Variants in EDIL3 observed in about 807,000 individuals in gnomAD.
EDIL3 encodes EGF-like repeat and discoidin I-like domain-containing protein 3.
In EDIL3, 37 loss-of-function variants were observed where a neutral mutation model predicts 67.4. The observed-to-expected ratio is 0.55, with a 90% CI of 0.42 to 0.72. The LOEUF is 0.72. Ranked by LOEUF, EDIL3 falls within the 30% of genes least tolerant of loss-of-function variation. The pLI is 0.00. For missense variants in EDIL3, 527 were observed against 586.3 expected (o/e 0.90, Z 1.04); for synonymous variants, 195 against 196.3 (o/e 0.99, Z 0.05).
chr5:84,331,721 T>C (rs1038407328), intron 1 of EDIL3, among the ~76,000 whole-genome samples: 1 of 152,216 alleles, frequency 6.6e-6, no homozygotes, highest in Non-Finnish European at 1.5e-5. Context: ...ATATTTTATA[T>C]GAATATTTAA....
chr5:84,312,482 C>T (rs1319849541), intron 1 of EDIL3, among the ~76,000 whole-genome samples: 2 of 148,748 alleles, frequency 1.3e-5, no homozygotes, highest in Admixed American at 6.7e-5. Flanking sequence ...CCTCACCTCC[C>T]GGACAGGGCG....
chr5:84,075,335 A>G (rs1029698680), intron 6 of EDIL3, among the ~76,000 whole-genome samples: 9 of 152,214 alleles, frequency 5.9e-5, no homozygotes, highest in Admixed American at 6.5e-5. Context: ...TGTACCCTAA[A>G]ACTTAAAGTA....
chr5:84,155,142 G>A (rs566315423), intron 4 of EDIL3, among the ~76,000 whole-genome samples: 1 of 151,944 alleles, frequency 6.6e-6, no homozygotes, highest in Non-Finnish European at 1.5e-5. Flanking sequence ...CTTTTCATTT[G>A]CAATAAAACA....
At chr5:84,038,163 A>T (rs1746057561) in intron 9 of EDIL3, among the ~76,000 whole-genome samples, 1 of 151,518 alleles carries the variant, frequency 6.6e-6, no homozygotes. Context: ...CCAGCATGCC[A>T]GGCTATGGAA....
At chr5:84,155,146 TA>T (rs1748468275) in intron 4 of EDIL3, among the ~76,000 whole-genome samples, 1 of 152,176 alleles carries the variant, frequency 6.6e-6, no homozygotes, top group Non-Finnish European at 1.5e-5. Context: ...TCATTTGCAA[TA>T]AAACATCTTT....
intron 1 of EDIL3, among the ~76,000 whole-genome samples, chr5:84,341,108 C>G (rs1356302697): frequency 6.6e-6 from 1 of 151,956 alleles, no homozygotes; most frequent in Non-Finnish European, 1.5e-5. Flanking sequence ...GTATTTATTG[C>G]CTGAATAATG....
chr5:84,246,671 T>C (rs16901003), intron 2 of EDIL3, among the ~76,000 whole-genome samples: 18,068 of 152,196 alleles, frequency 0.12, 1,308 homozygotes, highest in African/African-American at 0.19. Context: ...CAAACTGGCT[T>C]TTACCCTTTG....
intron 1 of EDIL3, among the ~76,000 whole-genome samples, chr5:84,324,746 A>C (rs769638492): frequency 7.2e-5 from 11 of 151,836 alleles, no homozygotes; most frequent in Non-Finnish European, 1.5e-4. Context: ...AATTCTATAG[A>C]AATAATAAAG....
intron 9 of EDIL3, among the ~76,000 whole-genome samples, chr5:83,984,063 A>T (rs2112151920): frequency 6.6e-6 from 1 of 152,198 alleles, no homozygotes; most frequent in Non-Finnish European, 1.5e-5. Context: ...CAATGGACAC[A>T]GGGTAAGAAA....
Position 84,226,214 on chromosome 5 carries a change from A to T in EDIL3, c.226+3641T>A, listed in dbSNP as rs561118771. On this transcript the variant is annotated intron_variant, in intron 3 of 10. Transcript: ENST00000296591. ...GAAACAAAATGGTGAAATAACAGGA[A>T]AGAGACATAAGTTAAAAGAGGACCA... Among the ~76,000 whole-genome samples, 158 of 151,846 alleles carry T rather than the reference A, an allele frequency of 1.0e-3. 1 individual carries two copies. The highest frequency in any genetic ancestry group is 2.0e-3 in the Non-Finnish European group (137 of 67,706).
intron 6 of EDIL3, among the ~76,000 whole-genome samples, chr5:84,088,282 A>G (rs191675111): frequency 3.9e-5 from 6 of 152,336 alleles, no homozygotes; most frequent in Non-Finnish European, 5.9e-5. Context: ...TGATGTTTCA[A>G]AATTTATGTA....
chr5:83,997,349 A>G (rs1404634631), intron 9 of EDIL3, among the ~76,000 whole-genome samples: 1 of 152,204 alleles, frequency 6.6e-6, no homozygotes, highest in African/African-American at 2.4e-5. Context: ...GAGGATGGAA[A>G]GAAATGCACA....
At chr5:84,351,686 G>C (rs1747364507) in intron 1 of EDIL3, among the ~76,000 whole-genome samples, 1 of 152,248 alleles carries the variant, frequency 6.6e-6, no homozygotes, top group Admixed American at 6.5e-5. Flanking sequence ...TGCAAAGTGA[G>C]TGTTGGATTT....
At chr5:83,958,234 G>C (rs1744549026) in intron 10 of EDIL3, among the ~76,000 whole-genome samples, 1 of 151,452 alleles carries the variant, frequency 6.6e-6, no homozygotes, top group Non-Finnish European at 1.5e-5. Flanking sequence ...CTTATTATTA[G>C]CTGGGGCCTC....
At chr5:84,203,855 G>A (rs1335462401) in intron 3 of EDIL3, among the ~76,000 whole-genome samples, 1 of 152,164 alleles carries the variant, frequency 6.6e-6, no homozygotes, top group African/African-American at 2.4e-5. Context: ...TATCCGAAGA[G>A]GGTAAGGAAG....
chr5:84,178,067 A>G (rs946855062), intron 4 of EDIL3, among the ~76,000 whole-genome samples: 5 of 152,154 alleles, frequency 3.3e-5, no homozygotes, highest in African/African-American at 9.6e-5. Context: ...ATTGATTTTC[A>G]GTATAGTTTT....
chr5:84,237,337 G>A (rs951616536), intron 2 of EDIL3, among the ~76,000 whole-genome samples: 5 of 151,966 alleles, frequency 3.3e-5, no homozygotes, highest in South Asian at 4.2e-4. Context: ...GAAAACCACA[G>A]AATCATTGCA....
intron 2 of EDIL3, among the ~76,000 whole-genome samples, chr5:84,253,176 G>A (rs1330140502): frequency 1.3e-5 from 2 of 152,108 alleles, no homozygotes; most frequent in Non-Finnish European, 1.5e-5. Context: ...ATCCCTGGAC[G>A]CTATTACTTT....
chr5:83,953,574 A>G (rs941548711), intron 10 of EDIL3, among the ~76,000 whole-genome samples: 5 of 151,760 alleles, frequency 3.3e-5, no homozygotes, highest in African/African-American at 1.2e-4. Flanking sequence ...TAAATATCAG[A>G]CATTTCATTT....
Sources: allele counts gnomAD v4.1 joint callset (sites outside exome capture counted in the v4.1 genomes callset), GRCh38; gene constraint gnomAD v4.1.1; transcripts MANE v1.5; gene names NCBI Gene and HGNC (gene_info 2026-07-23, HGNC 2026-07-21).